The following SMIM21 variants were observed in gnomAD, a reference collection of about 807,000 sequenced individuals.
SMIM21 encodes the protein chromosome 18 open reading frame 62.
A neutral mutation model predicts 8.6 loss-of-function variants in SMIM21; 8 were observed. The ratio of observed to expected loss-of-function variants is 0.93; its 90% CI spans 0.55 to 1.68. SMIM21 has a LOEUF of 1.68. Ranked by LOEUF, SMIM21 falls within the 40% of genes most tolerant of loss-of-function variation. The pLI is 0.00. For synonymous variants in SMIM21, 43 were observed against 41.7 expected, an observed-to-expected ratio of 1.03 and a Z score of -0.12; for missense variants, 132 against 123.0, an observed-to-expected ratio of 1.07 and a Z score of -0.35.
At chr18:75,424,383 A>G (rs2144560210) in intron 1 of SMIM21, among the ~76,000 whole-genome samples, 1 of 152,336 alleles carries the variant, frequency 6.6e-6, no homozygotes, top group South Asian at 2.1e-4. Context: ...AATCTGATGA[A>G]TAATATATAG....
intron 2 of SMIM21, among the ~76,000 whole-genome samples, chr18:75,414,082 C>CACACACAT (rs1491079415): frequency 1.3e-5 from 1 of 76,674 alleles, no homozygotes; most frequent in African/African-American, 1.3e-4. Context: ...GTCTCACACA[C>CACACACAT]ACACACACAC....
chr18:75,415,258 A>G (rs548287871), intron 2 of SMIM21, among the ~76,000 whole-genome samples: 1 of 152,194 alleles, frequency 6.6e-6, no homozygotes, highest in African/African-American at 2.4e-5. Flanking sequence ...GGCAGAGGGG[A>G]CTTAACAGCT....
intron 2 of SMIM21, chr18:75,416,485 G>A (rs1373409522): frequency 6.6e-6 from 1 of 152,058 alleles, no homozygotes; most frequent in Non-Finnish European, 1.5e-5. Flanking sequence ...GTTTAGTCTG[G>A]TTTTTATTGG....
Position 75,418,883 on chromosome 18 carries a change from A to T in SMIM21, c.163T>A (p.Leu55Met). ...ENEHHIRFFTLLVLFHVMVLL... is the reference protein window; with the variant it reads ...ENEHHIRFFTMLVLFHVMVLL... Reference sequence around the variant, plus strand: ...ACCATCACATGGAAAAGAACCAACAATGTGAAGAAACGAATATGGTGTTCA... The same window carrying T: ...ACCATCACATGGAAAAGAACCAACATTGTGAAGAAACGAATATGGTGTTCA... Residue 55 changes from leucine (L) to methionine (M), a missense_variant, in exon 2 of 3, where the codon TTG becomes ATG. Coordinates refer to ENST00000579022, the MANE Select transcript of SMIM21 (RefSeq NM_001037331.3). 1.2e-6 allele frequency: 2 copies of T among 1,604,204 alleles called. No homozygotes were observed. The highest frequency in any genetic ancestry group is 1.7e-6 in the Non-Finnish European group (2 of 1,171,074).
chr18:75,410,078 C>G lies in SMIM21; in HGVS notation c.*786G>C, dbSNP rs763051439. ...ATTTCCAGCTGGCACAGAGCTTTAG[C>G]ACCTTAAGTTGCTCAATTTGATCTC... On this transcript the variant is annotated 3_prime_UTR_variant, in exon 3 of 3. Coordinates refer to ENST00000579022, the MANE Select transcript of SMIM21 (RefSeq NM_001037331.3). The G allele has an allele frequency of 7.9e-5, 12 of 152,650 alleles. No individual in the cohort carries two copies. Among genetic ancestry groups the G allele is most frequent in the Non-Finnish European group, 1.8e-4 (12 of 68,044 alleles). 9.5% of individuals were successfully genotyped at this position (152,650 alleles called of 1,614,324 possible). A position where few individuals can be genotyped will look rare whatever the true frequency, so the allele number is the denominator to read the frequency against.
chr18:75,423,937 A>C (rs1359998013), intron 1 of SMIM21, among the ~76,000 whole-genome samples: 4 of 152,232 alleles, frequency 2.6e-5, no homozygotes, highest in Admixed American at 2.6e-4. Context: ...TGGAGGCAGA[A>C]CACAGTCAGT....
rs1239077605 is a variant in SMIM21 at position 75,420,424 on chromosome 18, T to G, written c.130-1508A>C. On this transcript the variant is annotated intron_variant, in intron 1 of 2. Coordinates refer to ENST00000579022, the MANE Select transcript of SMIM21 (RefSeq NM_001037331.3). Reference sequence around the variant, plus strand: ...AAAATCAGGGTCTCTGTCTCTCTTTTTTTAAATTTAAAGTGGTCTTCAACA... The same window carrying G: ...AAAATCAGGGTCTCTGTCTCTCTTTGTTTAAATTTAAAGTGGTCTTCAACA... Among the ~76,000 whole-genome samples, 4 of 152,344 alleles carry G rather than the reference T, an allele frequency of 2.6e-5. No individual in the cohort carries two copies. The South Asian group carries it at 6.2e-4, about 24-fold the overall frequency.
At chr18:75,422,125 G>A (rs1291889385) in intron 1 of SMIM21, among the ~76,000 whole-genome samples, 1 of 152,150 alleles carries the variant, frequency 6.6e-6, no homozygotes, top group African/African-American at 2.4e-5. Context: ...CAGGGCCACT[G>A]GCCCAGAATT....
chr18:75,422,266 C>T (rs752176451), intron 1 of SMIM21, among the ~76,000 whole-genome samples: 5 of 152,120 alleles, frequency 3.3e-5, no homozygotes, highest in African/African-American at 1.2e-4. Context: ...AGGAATTTGA[C>T]TCAATGGGCA....
chr18:75,423,862 A>AT (rs559162928), intron 1 of SMIM21, among the ~76,000 whole-genome samples: 64 of 150,794 alleles, frequency 4.2e-4, no homozygotes, highest in Non-Finnish European at 2.4e-4. Flanking sequence ...AAAAGTCCAA[A>AT]TTTTTTTTTT....
intron 1 of SMIM21, among the ~76,000 whole-genome samples, chr18:75,427,214 G>A (rs2024773240): frequency 6.6e-6 from 1 of 152,154 alleles, no homozygotes; most frequent in Non-Finnish European, 1.5e-5. Flanking sequence ...TCTGAAAGGG[G>A]CAGCTCTTCC....
rs1293856110 is a variant in SMIM21, at chr18:75,427,635, TATAAG to T, written c.-77_-73del. The stretch of plus-strand genomic sequence containing the variant: ...GACTCTGAGGACACAGAGCTGGTGC[TATAAG>T]ACCTGGTAACTAAGTTCCCAAGGAG... On this transcript the variant is annotated 5_prime_UTR_variant, in exon 1 of 3. Coordinates refer to ENST00000579022, the MANE Select transcript of SMIM21 (RefSeq NM_001037331.3). The T allele has an allele frequency of 2.4e-4, 337 of 1,431,712 alleles. 3 individuals carry two copies. Among genetic ancestry groups the T allele is most frequent in the South Asian group, 6.2e-4 (37 of 59,676 alleles). 88.7% of individuals were successfully genotyped at this position (1,431,712 alleles called of 1,614,324 possible).
At chr18:75,426,279 T>TTTTA (rs1223106060) in intron 1 of SMIM21, among the ~76,000 whole-genome samples, 121 of 148,730 alleles carry the variant, frequency 8.1e-4, no homozygotes, top group East Asian at 6.3e-3. Flanking sequence ...AGACCATTAC[T>TTTTA]TTTATTTATT....
At position 75,426,631 on chromosome 18, in the gene SMIM21, TAAAAAAAAAAAAAAAAAAAAA is replaced by T. The variant is rs777676195; in HGVS notation, c.129+783_129+803del. 6.7e-3 allele frequency among the ~76,000 whole-genome samples: 601 copies of T among 89,280 alleles called. 7 individuals are homozygous for T. The highest frequency in any genetic ancestry group is 0.019 in the Middle Eastern group (3 of 156). The allele number at this position is 89,280 out of a possible 152,430, so 58.6% of individuals were successfully genotyped here. A position where few individuals can be genotyped will look rare whatever the true frequency, so the allele number is the denominator to read the frequency against. ...GCCCTAGACCATTACTTTTAAAATG[TAAAAAAAAAAAAAAAAAAAAA>T]AAAAAAAAAAAAAAAAAAATGGAAA... On this transcript the variant is annotated intron_variant, in intron 1 of 2. Coordinates refer to ENST00000579022, the MANE Select transcript of SMIM21 (RefSeq NM_001037331.3).
intron 1 of SMIM21, among the ~76,000 whole-genome samples, chr18:75,424,865 A>G (rs555980519): frequency 6.6e-6 from 1 of 152,312 alleles, no homozygotes; most frequent in East Asian, 1.9e-4. Context: ...TTTTCATGGA[A>G]GATGAGAAGT....
chr18:75,421,547 A>T (rs2024708671), intron 1 of SMIM21, among the ~76,000 whole-genome samples: 1 of 151,992 alleles, frequency 6.6e-6, no homozygotes, highest in African/African-American at 2.4e-5. Flanking sequence ...GTCAGAAAAA[A>T]TGGAAGATCT....
intron 1 of SMIM21, among the ~76,000 whole-genome samples, chr18:75,424,511 T>C (rs1251769367): frequency 6.6e-6 from 1 of 152,184 alleles, no homozygotes; most frequent in Admixed American, 6.5e-5. Flanking sequence ...GGAGGATCAC[T>C]CTTCCTTCAA....
chr18:75,426,212 A>T (rs1568156049), intron 1 of SMIM21, among the ~76,000 whole-genome samples: 1 of 152,230 alleles, frequency 6.6e-6, no homozygotes, highest in Non-Finnish European at 1.5e-5. Context: ...CACATATGAA[A>T]TGCACAAAAC....
At chr18:75,426,285 T>A (rs544104190) in intron 1 of SMIM21, among the ~76,000 whole-genome samples, 2 of 143,554 alleles carry the variant, frequency 1.4e-5, no homozygotes, top group East Asian at 4.1e-4. Context: ...TTACTTTTAT[T>A]TATTTATTTG....
Sources: allele counts gnomAD v4.1 joint callset (sites outside exome capture counted in the v4.1 genomes callset), GRCh38; gene constraint gnomAD v4.1.1; transcripts MANE v1.5; gene names NCBI Gene and HGNC (gene_info 2026-07-23, HGNC 2026-07-21).